The following PCDH15 variants were observed in gnomAD, a reference collection of about 807,000 sequenced individuals.
PCDH15 encodes the protein protocadherin related 15.
PCDH15 carries 129 observed loss-of-function variants against 178.5 expected under a neutral mutation model. The ratio of observed to expected loss-of-function variants is 0.72; its 90% CI spans 0.63 to 0.84. The LOEUF is 0.84. Among genes scored for constraint, PCDH15 ranks in the 40% least tolerant of loss-of-function variants. The pLI, the probability that PCDH15 is intolerant of heterozygous loss-of-function variation, is 0.00. For missense variants in PCDH15, 2,230 were observed against 2,099.9 expected, an observed-to-expected ratio of 1.06 and a Z score of -1.21; for synonymous variants, 800 against 732.0, an observed-to-expected ratio of 1.09 and a Z score of -1.50.
intron 2 of PCDH15, among the ~76,000 whole-genome samples, chr10:55,118,632 A>G (rs899872139): frequency 1.3e-5 from 2 of 152,200 alleles, no homozygotes; most frequent in South Asian, 4.1e-4. Flanking sequence ...CAATAGTCCT[A>G]CTCAGTATTT....
chr10:55,096,399 T>C (rs1842451480), intron 2 of PCDH15, among the ~76,000 whole-genome samples: 1 of 152,128 alleles, frequency 6.6e-6, no homozygotes, highest in Non-Finnish European at 1.5e-5. Flanking sequence ...TACAACATGA[T>C]GTTTTGATAC....
rs553557987 is a variant in PCDH15, at chr10:54,902,006, AT to A, written c.-79-4507del. The stretch of plus-strand genomic sequence containing the variant: ...CATATTGATACATTCCATTCAAATG[AT>A]TTTTTTTTGCAATGTTACAGGACCC... On this transcript the variant is annotated intron_variant, in intron 2 of 5. Transcript: ENST00000458638. Among the ~76,000 whole-genome samples the A allele has an allele frequency of 1.6e-4, 24 of 150,670 alleles. No individual in the cohort carries two copies. In the South Asian group the frequency reaches 2.3e-3, roughly 14 times the overall value.
chr10:54,931,518 T>C (rs1000603835), intron 2 of PCDH15, among the ~76,000 whole-genome samples: 1 of 152,176 alleles, frequency 6.6e-6, no homozygotes, highest in African/African-American at 2.4e-5. Flanking sequence ...CCTTGGTGTA[T>C]AGGCAGATTT....
At chr10:55,048,618 C>A (rs1034462059) in intron 2 of PCDH15, among the ~76,000 whole-genome samples, 1 of 151,848 alleles carries the variant, frequency 6.6e-6, no homozygotes, top group African/African-American at 2.4e-5. Context: ...CAAATCTGTA[C>A]TTTTCCTAAT....
Position 55,548,072 on chromosome 10 carries a change from A to G in PCDH15, c.-156+79553T>C, listed in dbSNP as rs571086833. Among the ~76,000 whole-genome samples, 107 of 152,044 alleles carry G rather than the reference A, an allele frequency of 7.0e-4. 2 individuals are homozygous for G. The South Asian group carries it at 0.022, about 32-fold the overall frequency. ...GCCAGGCTCACATGAAAAAGAATGA[A>G]AAATCCAGATGAAAGTCAGACTGGG... On this transcript the variant is annotated intron_variant, in intron 2 of 5. Coordinates refer to the PCDH15 transcript ENST00000613346.
chr10:55,454,531 A>G lies in PCDH15; in HGVS notation c.-156+173094T>C, dbSNP rs188457244. On this transcript the variant is annotated intron_variant, in intron 2 of 5. Transcript: ENST00000613346. ...TGTGGCTCACGCCTGTAATTTCAGC[A>G]CTTTGGGAGGCTGAGGTGGGCGGAT... Among the ~76,000 whole-genome samples, 160 of 151,772 alleles carry G rather than the reference A, an allele frequency of 1.1e-3. 1 individual carries two copies. In the East Asian group the frequency reaches 0.022, roughly 21 times the overall value.
At chr10:54,023,431 C>T (rs1018769560) in intron 18 of PCDH15, among the ~76,000 whole-genome samples, 5 of 150,916 alleles carry the variant, frequency 3.3e-5, no homozygotes, top group Non-Finnish European at 5.9e-5. Context: ...TTAGCAATAA[C>T]AATACTATGT....
chr10:53,859,339 G>A (rs973002092), intron 27 of PCDH15, among the ~76,000 whole-genome samples: 1 of 152,130 alleles, frequency 6.6e-6, no homozygotes, highest in African/African-American at 2.4e-5. Flanking sequence ...GATAGGGTGA[G>A]TAGTAGGGAA....
intron 1 of PCDH15, among the ~76,000 whole-genome samples, chr10:55,287,178 G>T (rs112503070): frequency 1.3e-5 from 2 of 151,970 alleles, no homozygotes; most frequent in Admixed American, 1.3e-4. Context: ...GTGTTGAGAA[G>T]AAGGTTCTAC....
At chr10:54,145,950 T>C (rs1240455868) in intron 14 of PCDH15, among the ~76,000 whole-genome samples, 1 of 152,066 alleles carries the variant, frequency 6.6e-6, no homozygotes, top group Non-Finnish European at 1.5e-5. Context: ...TTATCATTCT[T>C]GCCCAGGTAA....
chr10:55,432,757 C>T (rs1838916583), intron 2 of PCDH15, among the ~76,000 whole-genome samples: 1 of 148,232 alleles, frequency 6.7e-6, no homozygotes, highest in South Asian at 2.2e-4. Flanking sequence ...AATACAGGTG[C>T]CTGCCACAAC....
chr10:54,964,639 C>T (rs1355734435), intron 2 of PCDH15, among the ~76,000 whole-genome samples: 1 of 152,086 alleles, frequency 6.6e-6, no homozygotes, highest in Admixed American at 6.6e-5. Context: ...ATTCAAAAAC[C>T]TATAAGATCC....
rs893948187 is a variant in PCDH15 at position 54,023,290 on chromosome 10, C to G, written c.2221-93G>C. The G allele has an allele frequency of 2.4e-6, 3 of 1,261,564 alleles. No homozygotes were observed. The Admixed American group carries it at 6.0e-5, about 25-fold the overall frequency. 78.1% of individuals were successfully genotyped at this position (1,261,564 alleles called of 1,614,324 possible). ...ACAGTTAACAAATTATGGTATTTTT[C>G]TAACCAAAAATTATTTGGCCCTCTA... On this transcript the variant is annotated intron_variant, in intron 18 of 37. Transcript: ENST00000644397.
intron 1 of PCDH15, among the ~76,000 whole-genome samples, chr10:55,315,645 T>A (rs1227879528): frequency 6.6e-6 from 1 of 152,180 alleles, no homozygotes; most frequent in African/African-American, 2.4e-5. Context: ...TAATATTGAT[T>A]TATGCAGGGG....
At chr10:54,223,270 G>C (rs1482000094) in intron 9 of PCDH15, among the ~76,000 whole-genome samples, 4 of 130,352 alleles carry the variant, frequency 3.1e-5, no homozygotes, top group East Asian at 2.1e-4. Flanking sequence ...AGATTGTGCC[G>C]TTGCACTCCA....
intron 2 of PCDH15, among the ~76,000 whole-genome samples, chr10:55,096,994 G>T (rs547109210): frequency 6.6e-6 from 1 of 152,116 alleles, no homozygotes; most frequent in South Asian, 2.1e-4. Context: ...ACAAGAAAAT[G>T]CACACATCTC....
chr10:55,600,614 A>G (rs567967334), intron 2 of PCDH15, among the ~76,000 whole-genome samples: 3 of 152,240 alleles, frequency 2.0e-5, no homozygotes, highest in African/African-American at 7.2e-5. Flanking sequence ...CATTTGTTCA[A>G]TGATTAAAGT....
chr10:54,398,262 C>G (rs909177351), intron 3 of PCDH15, among the ~76,000 whole-genome samples: 1 of 151,472 alleles, frequency 6.6e-6, no homozygotes, highest in Non-Finnish European at 1.5e-5. Flanking sequence ...TAAAAAAACA[C>G]TATGGAAGAA....
intron 2 of PCDH15, among the ~76,000 whole-genome samples, chr10:55,419,831 T>C (rs530595583): frequency 1.3e-5 from 2 of 151,690 alleles, no homozygotes; most frequent in African/African-American, 2.4e-5. Flanking sequence ...TATACTATAG[T>C]GCATTTTATT....
Sources: allele counts gnomAD v4.1 joint callset (sites outside exome capture counted in the v4.1 genomes callset), GRCh38; gene constraint gnomAD v4.1.1; transcripts MANE v1.5; gene names NCBI Gene and HGNC (gene_info 2026-07-23, HGNC 2026-07-21).